Variants in USP31 observed in about 807,000 individuals in gnomAD.
The protein encoded by USP31 is ubiquitin specific peptidase 31.
USP31 carries 44 observed loss-of-function variants against 119.4 expected under a neutral mutation model. That is an observed-to-expected ratio of 0.37 (90% CI 0.29 to 0.47). The LOEUF (loss-of-function observed/expected upper bound fraction) is 0.47. Ranked by LOEUF, USP31 falls within the 20% of genes least tolerant of loss-of-function variation. USP31 has a pLI of 0.99. For synonymous variants in USP31, 749 were observed against 705.6 expected, an observed-to-expected ratio of 1.06 and a Z score of -0.97; for missense variants, 1,643 against 1,730.2, an observed-to-expected ratio of 0.95 and a Z score of 0.89.
chr16:23,141,988 T>C (rs1903367297), intron 1 of USP31, among the ~76,000 whole-genome samples: 1 of 152,248 alleles, frequency 6.6e-6, no homozygotes, highest in African/African-American at 2.4e-5. Context: ...TCCTCATCAG[T>C]ACAACTTAAA....
chr16:23,079,985 A>G lies in USP31; in HGVS notation c.2137T>C (p.Cys713Arg). Residue 713 changes from cysteine (C) to arginine (R), a missense_variant, in exon 13 of 16, where the codon TGC (cysteine) becomes CGC (arginine). This residue lies in a region of USP31 where 279 missense variants were observed against 372.2 expected (regional missense o/e 0.75). Coordinates refer to ENST00000219689, the MANE Select transcript of USP31 (RefSeq NM_020718.4). ...CCTTGCATGGTGCCATGGTGATTGCACACAGCATACAGGTCATAGATGTAG... is the reference window on the plus strand; with the variant it reads ...CCTTGCATGGTGCCATGGTGATTGCGCACAGCATACAGGTCATAGATGTAG... ...EDYIYDLYAV[C>R]NHHGTMQGGH... 6.2e-7 allele frequency: 1 copy of G among 1,613,866 alleles called. No individual in the cohort carries two copies. The highest frequency in any genetic ancestry group is 8.5e-7 in the Non-Finnish European group (1 of 1,179,910).
chr16:23,080,422 T>G (rs1294359167), intron 12 of USP31, among the ~76,000 whole-genome samples: 1 of 152,116 alleles, frequency 6.6e-6, no homozygotes, highest in Non-Finnish European at 1.5e-5. Context: ...AGTCTTCCTT[T>G]CCTTATCTGT....
intron 7 of USP31, among the ~76,000 whole-genome samples, chr16:23,090,278 C>T (rs539039298): frequency 4.6e-5 from 7 of 152,228 alleles, no homozygotes; most frequent in African/African-American, 1.4e-4. Flanking sequence ...CCCAGCTACT[C>T]GGAAGGCTGA....
chr16:23,084,994 A>C lies in USP31; in HGVS notation c.1701-5T>G, dbSNP rs1901045090. On this transcript the variant is annotated splice_region_variant and splice_polypyrimidine_tract_variant and intron_variant, in intron 10 of 15. Transcript: ENST00000219689. ...TCCTCAGTATTTACAAATAAGCTGC[A>C]ATTAGGGGGAAAAGCATCTATCAGG... The C allele has an allele frequency of 6.2e-7, 1 of 1,613,678 alleles. No individual in the cohort carries two copies. Among genetic ancestry groups the C allele is most frequent in the Non-Finnish European group, 8.5e-7 (1 of 1,179,860 alleles).
At chr16:23,083,828 G>A (rs910441623) in intron 11 of USP31, among the ~76,000 whole-genome samples, 4 of 151,158 alleles carry the variant, frequency 2.6e-5, no homozygotes, top group Non-Finnish European at 4.4e-5. Flanking sequence ...TCAAATATTC[G>A]AACAACAGAC....
intron 2 of USP31, among the ~76,000 whole-genome samples, chr16:23,107,844 C>T (rs1312842485): frequency 1.3e-5 from 2 of 152,178 alleles, no homozygotes; most frequent in Non-Finnish European, 2.9e-5. Flanking sequence ...CTATAAATTC[C>T]TTGCGGACAA....
Position 23,067,520 on chromosome 16 carries a change from A to G in USP31, c.*526T>C, listed in dbSNP as rs371346680. The G allele has an allele frequency of 6.5e-6, 1 of 154,304 alleles. No homozygotes were observed. The highest frequency in any genetic ancestry group is 2.0e-4 in the South Asian group (1 of 4,892). 9.6% of individuals were successfully genotyped at this position (154,304 alleles called of 1,614,324 possible). A position where few individuals can be genotyped will look rare whatever the true frequency, so the allele number is the denominator to read the frequency against. On this transcript the variant is annotated 3_prime_UTR_variant, in exon 16 of 16. Coordinates refer to ENST00000219689, the MANE Select transcript of USP31 (RefSeq NM_020718.4). Reference sequence around the variant, plus strand: ...AATATTGCCCTTTACAAAGACTGGTAGATGGGGCGAAAGTGCAGAAAGCAA... The same window carrying G: ...AATATTGCCCTTTACAAAGACTGGTGGATGGGGCGAAAGTGCAGAAAGCAA...
chr16:23,092,711 G>T (rs1025097792), intron 6 of USP31, among the ~76,000 whole-genome samples: 1 of 152,124 alleles, frequency 6.6e-6, no homozygotes, highest in Non-Finnish European at 1.5e-5. Context: ...GGTCAAAGAA[G>T]AATAAGTGAA....
chr16:23,096,364 A>G (rs1188172646), intron 6 of USP31, among the ~76,000 whole-genome samples: 7 of 152,224 alleles, frequency 4.6e-5, no homozygotes, highest in African/African-American at 1.7e-4. Flanking sequence ...AGAGACCTAC[A>G]AAGAGACTTA....
chr16:23,094,251 A>G (rs1901503570), intron 6 of USP31, among the ~76,000 whole-genome samples: 1 of 152,192 alleles, frequency 6.6e-6, no homozygotes, highest in African/African-American at 2.4e-5. Context: ...CTGCTAGCGC[A>G]GCAGTCTGAG....
intron 5 of USP31, among the ~76,000 whole-genome samples, chr16:23,104,669 C>A (rs961504497): frequency 6.6e-6 from 1 of 152,190 alleles, no homozygotes; most frequent in African/African-American, 2.4e-5. Context: ...GTACAAAACA[C>A]CTTTATTATT....
At chr16:23,090,584 T>TAC (rs768200565) in intron 7 of USP31, 40 bp downstream of exon 7, 1 of 1,522,326 alleles carries the variant, frequency 6.6e-7, no homozygotes, top group South Asian at 1.3e-5. Flanking sequence ...ACTGAACTGT[T>TAC]ACAGTCTAGG....
chr16:23,110,542 G>A (rs541400958), intron 1 of USP31, among the ~76,000 whole-genome samples: 47 of 152,286 alleles, frequency 3.1e-4, no homozygotes, highest in Admixed American at 1.0e-3. Flanking sequence ...AGATGAAACA[G>A]TAAAGTCAGA....
Position 23,067,417 on chromosome 16 carries a change from C to T in USP31, c.*629G>A, listed in dbSNP as rs578253568. 1 of 152,768 alleles carries T rather than the reference C, an allele frequency of 6.5e-6. No individual in the cohort carries two copies. Among genetic ancestry groups the T allele is most frequent in the East Asian group, 1.9e-4 (1 of 5,184 alleles). 9.5% of individuals were successfully genotyped at this position (152,768 alleles called of 1,614,324 possible). A position where few individuals can be genotyped will look rare whatever the true frequency, so the allele number is the denominator to read the frequency against. ...AAATGACACAGTCACCCACATGGCA[C>T]CTTCCTCTTTAATCCATTTACTGGT... On this transcript the variant is annotated 3_prime_UTR_variant, in exon 16 of 16. Transcript: ENST00000219689.
chr16:23,134,575 A>G (rs1045601961), intron 1 of USP31, among the ~76,000 whole-genome samples: 41 of 152,146 alleles, frequency 2.7e-4, no homozygotes, highest in African/African-American at 9.2e-4. Context: ...CGAGATGGGA[A>G]ATACCAAACC....
At chr16:23,137,641 T>A (rs1484167528) in intron 1 of USP31, among the ~76,000 whole-genome samples, 1 of 151,212 alleles carries the variant, frequency 6.6e-6, no homozygotes. Flanking sequence ...ACATATAACA[T>A]AACACATGCG....
At chr16:23,107,099 C>T (rs1449831220) in intron 2 of USP31, among the ~76,000 whole-genome samples, 3 of 149,650 alleles carry the variant, frequency 2.0e-5, no homozygotes, top group African/African-American at 7.4e-5. Context: ...GCAACAAGAG[C>T]GAAAGTCCGT....
chr16:23,148,597 G>A (rs1903601232), intron 1 of USP31, 41 bp downstream of exon 1: 2 of 1,420,694 alleles, frequency 1.4e-6, no homozygotes, highest in African/African-American at 1.5e-5. Context: ...GTGCCCCAGG[G>A]GCTCGGGGTG....
At chr16:23,080,988 T>C (rs1197310861) in intron 12 of USP31, among the ~76,000 whole-genome samples, 1 of 152,146 alleles carries the variant, frequency 6.6e-6, no homozygotes, top group African/African-American at 2.4e-5. Flanking sequence ...GCACAGAACA[T>C]GTTAGAAATA....
Sources: allele counts gnomAD v4.1 joint callset (sites outside exome capture counted in the v4.1 genomes callset), GRCh38; gene constraint gnomAD v4.1.1; regional missense constraint gnomAD v4.1.1; transcripts MANE v1.5; gene names NCBI Gene and HGNC (gene_info 2026-07-23, HGNC 2026-07-21).